Variants in CR2 observed in about 807,000 individuals in gnomAD.
CR2 encodes complement C3d receptor 2.
A neutral mutation model predicts 123.0 loss-of-function variants in CR2; 96 were observed. The ratio of observed to expected loss-of-function variants is 0.78; its 90% CI spans 0.66 to 0.93. CR2 has a LOEUF of 0.93. Ranked by LOEUF, CR2 falls within the 40% of genes least tolerant of loss-of-function variation. CR2 has a pLI of 0.00. For synonymous variants in CR2, 484 were observed against 469.5 expected (o/e 1.03, Z -0.40); for missense variants, 1,258 against 1,361.0 (o/e 0.92, Z 1.19).
In CR2 at chr1:207,474,396, C is replaced by A. The variant is rs972922344; in HGVS notation, c.2323+73C>A. ...GAGGGCAGGCCACTGAAGAATTAGTCTACTGCTGCTTCAGCAGTCTTAGGC... is the reference window on the plus strand; with the variant it reads ...GAGGGCAGGCCACTGAAGAATTAGTATACTGCTGCTTCAGCAGTCTTAGGC... On this transcript the variant is annotated intron_variant, in intron 13 of 19. Coordinates refer to ENST00000367057, the MANE Select transcript of CR2 (RefSeq NM_001006658.3). The A allele has an allele frequency of 2.7e-6, 3 of 1,099,428 alleles. No individual in the cohort carries two copies. The African/African-American group carries it at 4.6e-5, about 17-fold the overall frequency. 68.1% of individuals were successfully genotyped at this position (1,099,428 alleles called of 1,614,324 possible). A position where few individuals can be genotyped will look rare whatever the true frequency, so the allele number is the denominator to read the frequency against.
intron 16 of CR2, among the ~76,000 whole-genome samples, chr1:207,478,416 T>A (rs1418465464): frequency 4.0e-5 from 6 of 149,214 alleles, no homozygotes; most frequent in African/African-American, 1.5e-4. Context: ...TGGCCCCAGC[T>A]ACTCGGGTAG....
chr1:207,473,197 G>A lies in CR2; in HGVS notation c.1978+18G>A, dbSNP rs973699178. On this transcript the variant is annotated intron_variant, in intron 10 of 19. Coordinates refer to ENST00000367057, the MANE Select transcript of CR2 (RefSeq NM_001006658.3). ...TGAAAAAGGTAAAAACCCAATAAGG[G>A]GGAAAAAAGGAGAGATTTACTTAAT... 4 of 1,611,628 alleles carry A rather than the reference G, an allele frequency of 2.5e-6. No homozygotes were observed. Among genetic ancestry groups the A allele is most frequent in the Admixed American group, 3.3e-5 (2 of 59,724 alleles).
chr1:207,484,585 A>G (rs1437598732), intron 18 of CR2, among the ~76,000 whole-genome samples: 6 of 152,246 alleles, frequency 3.9e-5, no homozygotes, highest in African/African-American at 9.6e-5. Flanking sequence ...TCTTCTTAAC[A>G]TATCTCCTGT....
At chr1:207,466,471 G>C (rs1422824342) in intron 1 of CR2, 55 bp from the exon 2 acceptor site, 1 of 1,595,294 alleles carries the variant, frequency 6.3e-7, no homozygotes, top group African/African-American at 1.3e-5. Flanking sequence ...ACCTACATTT[G>C]AATATTTTCT....
intron 1 of CR2, among the ~76,000 whole-genome samples, chr1:207,465,200 G>C (rs1205256499): frequency 6.6e-6 from 1 of 152,162 alleles, no homozygotes; most frequent in African/African-American, 2.4e-5. Context: ...AAAGTGCTGG[G>C]ATTACAGACG....
rs926245644 is a variant in CR2, at chr1:207,454,642, C to G, written c.58+166C>G. The G allele has an allele frequency of 3.4e-6, 2 of 587,658 alleles. No homozygotes were observed. Among genetic ancestry groups the G allele is most frequent in the Non-Finnish European group, 5.9e-6 (2 of 341,414 alleles). 36.4% of individuals were successfully genotyped at this position (587,658 alleles called of 1,614,324 possible). On this transcript the variant is annotated intron_variant, in intron 1 of 19. Transcript: ENST00000367057. The surrounding 1 kb of genome is among the most constrained non-coding windows in gnomAD (Gnocchi z 4.3). Reference sequence around the variant, plus strand: ...GACCACTGCAATAAACCGCCTGGTCCTGATTGTCCCCACTGGCCCCTCCGG... The same window carrying G: ...GACCACTGCAATAAACCGCCTGGTCGTGATTGTCCCCACTGGCCCCTCCGG...
intron 16 of CR2, among the ~76,000 whole-genome samples, chr1:207,478,360 C>CA (rs936691638): frequency 3.7e-4 from 54 of 144,334 alleles, no homozygotes; most frequent in South Asian, 4.4e-4. Context: ...TGGTCTCTAC[C>CA]AAAAAAAAAA....
chr1:207,473,206 G>T (rs750750273), intron 10 of CR2, 27 bp downstream of exon 10: 2 of 1,611,202 alleles, frequency 1.2e-6, no homozygotes, highest in Non-Finnish European at 8.5e-7. Flanking sequence ...GGGGAAAAAA[G>T]GAGAGATTTA....
chr1:207,474,499 G>A (rs765815391), intron 13 of CR2, among the ~76,000 whole-genome samples, 176 bp downstream of exon 13: 2 of 152,166 alleles, frequency 1.3e-5, no homozygotes, highest in Non-Finnish European at 2.9e-5. Context: ...ACATTGTCAA[G>A]TAGGAACTGT....
rs778603984 is a variant in CR2 at position 207,485,515 on chromosome 1, A to G, written c.3240A>G (p.Arg1080=). The change falls in exon 19 of 20, where the codon CGA becomes CGG. Residue 1080 remains arginine (R), a synonymous_variant. Coordinates refer to ENST00000367057, the MANE Select transcript of CR2 (RefSeq NM_001006658.3). ...SQKEAFHLEA[R]EVYSVDPYNP... ...AAGAAGCTTTTCATTTAGAAGCACG[A>G]GAAGTATATTCTGTTGATCCATACA... The G allele has an allele frequency of 1.2e-6, 2 of 1,613,582 alleles. No homozygotes were observed. Among genetic ancestry groups the G allele is most frequent in the African/African-American group, 1.3e-5 (1 of 75,046 alleles).
At chr1:207,464,035 G>A (rs74420625) in intron 1 of CR2, among the ~76,000 whole-genome samples, 355 of 152,254 alleles carry the variant, frequency 2.3e-3, no homozygotes, top group African/African-American at 8.4e-3. Context: ...TTGATTATAA[G>A]TTATTTCATA....
At chr1:207,469,477 G>A (rs1040177401) in intron 5 of CR2, among the ~76,000 whole-genome samples, 2 of 152,178 alleles carry the variant, frequency 1.3e-5, no homozygotes, top group African/African-American at 4.8e-5. Flanking sequence ...AGAAAATAGT[G>A]TATTTGGTAA....
At chr1:207,471,261 G>A (rs1302099942) in intron 8 of CR2, among the ~76,000 whole-genome samples, 162 bp from the exon 9 acceptor site, 1 of 152,144 alleles carries the variant, frequency 6.6e-6, no homozygotes, top group East Asian at 1.9e-4. Flanking sequence ...TTCCATGCAT[G>A]GAAATTATGC....
Position 207,470,846 on chromosome 1 carries a change from G to T in CR2, c.1332G>T (p.Val444=). Residue 444 remains valine, a synonymous_variant, in exon 7 of 20, where the codon GTG becomes GTT. Transcript: ENST00000367057. ...AATATAGCTGTAACCCTGGCTATGT[G>T]CTGGTGGGAGAAGAATCCATACAGT... ...SIKYSCNPGY[V]LVGEESIQCT... 6.2e-7 allele frequency: 1 copy of T among 1,613,968 alleles called. No homozygotes were observed. The highest frequency in any genetic ancestry group is 8.5e-7 in the Non-Finnish European group (1 of 1,179,916).
chr1:207,480,027 A>G lies in CR2; in HGVS notation c.3162A>G (p.Leu1054=). Residue 1054 remains leucine, a synonymous_variant, in exon 18 of 20, where the codon TTA becomes TTG. Transcript: ENST00000367057. ...TTACCTTCTTGATTGTCATTACCTT[A>G]TACGTGATATCAAAACACAGAGCAC... is the stretch of plus-strand genomic sequence containing the variant. The part of the protein sequence containing the change: ...ILLTFLIVIT[L]YVISKHRARN... The G allele has an allele frequency of 6.2e-7, 1 of 1,612,902 alleles. No individual in the cohort carries two copies. Among genetic ancestry groups the G allele is most frequent in the Non-Finnish European group, 8.5e-7 (1 of 1,179,000 alleles).
intron 1 of CR2, among the ~76,000 whole-genome samples, chr1:207,456,698 T>A (rs1657842515): frequency 6.6e-6 from 1 of 152,166 alleles, no homozygotes; most frequent in Admixed American, 6.5e-5. Flanking sequence ...GCTACAAACC[T>A]ACCAACTTAC....
Position 207,472,879 on chromosome 1 carries a change from C to T in CR2, c.1678C>T (p.Pro560Ser). 6.2e-7 allele frequency: 1 copy of T among 1,613,996 alleles called. No individual in the cohort carries two copies. The highest frequency in any genetic ancestry group is 1.1e-5 in the South Asian group (1 of 91,076). Residue 560 changes from proline to serine, a missense_variant, in exon 10 of 20, where the codon CCA (proline) becomes TCA (serine). Coordinates refer to ENST00000367057, the MANE Select transcript of CR2 (RefSeq NM_001006658.3). Reference sequence around the variant, plus strand: ...GGTCACTTACACATGTAACCCTGGGCCAGAAAGAGGAGTGGAATTCAGCCT... The same window carrying T: ...GGTCACTTACACATGTAACCCTGGGTCAGAAAGAGGAGTGGAATTCAGCCT... ...TTVTYTCNPGPERGVEFSLIG... is the reference protein window; with the variant it reads ...TTVTYTCNPGSERGVEFSLIG...
In CR2 at chr1:207,471,404, T is replaced by C; in HGVS notation, c.1494-19T>C. On this transcript the variant is annotated intron_variant, in intron 8 of 19. Transcript: ENST00000367057. ...ATGGTCACCTGATGGCAAAATGACA[T>C]ACGTGACTCTGTCTCTAGGTACAAG... is the stretch of plus-strand genomic sequence containing the variant. 2 of 1,583,706 alleles carry C rather than the reference T, an allele frequency of 1.3e-6. No homozygotes were observed. The highest frequency in any genetic ancestry group is 1.7e-6 in the Non-Finnish European group (2 of 1,152,454).
At chr1:207,485,346 T>C in intron 18 of CR2, 118 bp from the exon 19 acceptor site, 1 of 698,764 alleles carries the variant, frequency 1.4e-6, no homozygotes, top group Non-Finnish European at 2.6e-6. Context: ...TTTAAAAAAA[T>C]GAAATCATCC....
Sources: allele counts gnomAD v4.1 joint callset (sites outside exome capture counted in the v4.1 genomes callset), GRCh38; gene constraint gnomAD v4.1.1; non-coding constraint Gnocchi (gnomAD v3.1); transcripts MANE v1.5; gene names NCBI Gene and HGNC (gene_info 2026-07-23, HGNC 2026-07-21).